Variants in FBXO42 observed in about 807,000 individuals in gnomAD.
FBXO42 encodes F-box only protein 42.
Under a neutral mutation model 71.7 loss-of-function variants are expected in FBXO42, and 12 were observed. The ratio of observed to expected loss-of-function variants is 0.17; its 90% CI spans 0.11 to 0.27. The LOEUF is 0.27. FBXO42 is among the 10% of genes least tolerant of loss of function. The pLI is 1.00. For synonymous variants in FBXO42, 325 were observed against 327.5 expected, an observed-to-expected ratio of 0.99 and a Z score of 0.08; for missense variants, 707 against 911.9, an observed-to-expected ratio of 0.78 and a Z score of 2.89.
At chr1:16,345,087 A>C (rs1394010578) in intron 1 of FBXO42, among the ~76,000 whole-genome samples, 1 of 151,964 alleles carries the variant, frequency 6.6e-6, no homozygotes, top group Non-Finnish European at 1.5e-5. Context: ...AGACAGAGTG[A>C]GACTCCGTCT....
In FBXO42 at chr1:16,249,811, G is replaced by A. The variant is rs910941908; in HGVS notation, c.*859C>T. On this transcript the variant is annotated 3_prime_UTR_variant, in exon 10 of 10. Coordinates refer to ENST00000375592, the MANE Select transcript of FBXO42 (RefSeq NM_018994.3). ...AAAAAAAAAGAAAAGAAAAAAGGTA[G>A]AAGAAAAAAGCAGCCTGTAAGTGAA... 6.6e-6 allele frequency: 1 copy of A among 151,906 alleles called. No homozygotes were observed. The highest frequency in any genetic ancestry group is 1.5e-5 in the Non-Finnish European group (1 of 67,990). The allele number at this position is 151,906 out of a possible 1,614,324, so 9.4% of individuals were successfully genotyped here. A position where few individuals can be genotyped will look rare whatever the true frequency, so the allele number is the denominator to read the frequency against.
In FBXO42 at chr1:16,266,461, C is replaced by T. The variant is rs138253611; in HGVS notation, c.503-9702G>A. Among the ~76,000 whole-genome samples the T allele has an allele frequency of 2.8e-4, 43 of 152,262 alleles. 2 individuals are homozygous for T. In the East Asian group the frequency reaches 7.5e-3, roughly 27 times the overall value. On this transcript the variant is annotated intron_variant, in intron 4 of 9. Coordinates refer to ENST00000375592, the MANE Select transcript of FBXO42 (RefSeq NM_018994.3). The stretch of plus-strand genomic sequence containing the variant: ...CCATCTTAACCACTCTGTGCAGACT[C>T]GCTTTCTCAGAGTGGGTCCAATATA...
At chr1:16,328,999 C>G (rs2082473337) in intron 1 of FBXO42, among the ~76,000 whole-genome samples, 3 of 151,606 alleles carry the variant, frequency 2.0e-5, no homozygotes, top group African/African-American at 7.3e-5. Context: ...CCCATCTCTA[C>G]TAAAAATACA....
chr1:16,350,767 A>AAGAC, intron 1 of FBXO42, among the ~76,000 whole-genome samples: 1 of 147,166 alleles, frequency 6.8e-6, no homozygotes, highest in Non-Finnish European at 1.5e-5. Flanking sequence ...AAAAGAAAGA[A>AAGAC]AGAAAGAAAG....
intron 4 of FBXO42, among the ~76,000 whole-genome samples, chr1:16,259,606 A>G (rs1162422325): frequency 1.3e-5 from 2 of 152,092 alleles, no homozygotes; most frequent in Non-Finnish European, 2.9e-5. Flanking sequence ...TCTATTAAAA[A>G]TATTAAAAAA....
intron 1 of FBXO42, among the ~76,000 whole-genome samples, chr1:16,341,972 CAA>C (rs56035222): frequency 9.3e-4 from 93 of 99,786 alleles, no homozygotes; most frequent in Non-Finnish European, 1.1e-3. Context: ...ATTCCGTCTC[CAA>C]AAAAAAAAAA....
At chr1:16,289,853 T>G (rs2082060611) in intron 4 of FBXO42, among the ~76,000 whole-genome samples, 1 of 152,084 alleles carries the variant, frequency 6.6e-6, no homozygotes, top group Non-Finnish European at 1.5e-5. Flanking sequence ...AGGTCGAGGC[T>G]ACAGGGAGCT....
chr1:16,307,201 T>C (rs2082260411), intron 2 of FBXO42, among the ~76,000 whole-genome samples: 1 of 152,128 alleles, frequency 6.6e-6, no homozygotes. Context: ...CAGGAAAAGT[T>C]TTCTAAAAGA....
At chr1:16,323,279 G>C (rs760498031) in intron 1 of FBXO42, among the ~76,000 whole-genome samples, 1 of 151,822 alleles carries the variant, frequency 6.6e-6, no homozygotes, top group Non-Finnish European at 1.5e-5. Flanking sequence ...TTAGCTGGGC[G>C]TGGTGGTGGG....
At chr1:16,270,997 C>T (rs1212130504) in intron 4 of FBXO42, among the ~76,000 whole-genome samples, 3 of 151,676 alleles carry the variant, frequency 2.0e-5, no homozygotes, top group African/African-American at 4.8e-5. Context: ...TCCTTTCAAA[C>T]TGTAGTTAGG....
chr1:16,348,002 AAAAAAAAG>A (rs1216641775), intron 1 of FBXO42, among the ~76,000 whole-genome samples: 3,205 of 151,208 alleles, frequency 0.021, 96 homozygotes, highest in African/African-American at 0.071. Context: ...CAAAAAAAAA[AAAAAAAAG>A]AAAAAAAGAA....
intron 2 of FBXO42, among the ~76,000 whole-genome samples, chr1:16,306,146 C>T (rs1469960049): frequency 2.0e-5 from 3 of 151,874 alleles, no homozygotes; most frequent in Admixed American, 6.6e-5. Context: ...TTCAGCCTCC[C>T]GAGTAGCTGG....
At chr1:16,294,738 G>A (rs375026127) in intron 4 of FBXO42, 45 bp downstream of exon 4, 1 of 1,599,886 alleles carries the variant, frequency 6.3e-7, no homozygotes, top group Non-Finnish European at 8.5e-7. Context: ...CCATGCCAAG[G>A]GAGTCACCTG....
chr1:16,313,988 C>T (rs2082339875), intron 2 of FBXO42, among the ~76,000 whole-genome samples: 1 of 152,206 alleles, frequency 6.6e-6, no homozygotes, highest in South Asian at 2.1e-4. Flanking sequence ...GAGTCTTGCT[C>T]TGTCGCCCAG....
chr1:16,257,529 C>T (rs1233397077), intron 4 of FBXO42, among the ~76,000 whole-genome samples: 1 of 152,184 alleles, frequency 6.6e-6, no homozygotes, highest in Non-Finnish European at 1.5e-5. Flanking sequence ...TTAGAGATAA[C>T]AAATGTCTTA....
chr1:16,283,767 T>A (rs2081991759), intron 4 of FBXO42, among the ~76,000 whole-genome samples: 1 of 152,138 alleles, frequency 6.6e-6, no homozygotes. Context: ...AGTGCTGGGA[T>A]TACAGGTGTG....
intron 4 of FBXO42, among the ~76,000 whole-genome samples, chr1:16,266,179 A>G (rs1217789538): frequency 6.6e-6 from 1 of 151,226 alleles, no homozygotes; most frequent in Non-Finnish European, 1.5e-5. Flanking sequence ...TTCAAAGTAT[A>G]GTTTTTTTTA....
At chr1:16,275,811 C>T (rs1338599372) in intron 4 of FBXO42, among the ~76,000 whole-genome samples, 1 of 151,554 alleles carries the variant, frequency 6.6e-6, no homozygotes, top group Non-Finnish European at 1.5e-5. Context: ...GAGTTGGAGA[C>T]CAGCCTGGCC....
rs1430702692 is a variant in FBXO42, at chr1:16,252,566, A to T, written c.922-162T>A. On this transcript the variant is annotated intron_variant, in intron 8 of 9. Transcript: ENST00000375592. The surrounding 1 kb of genome is among the most constrained non-coding windows in gnomAD (Gnocchi z 4.4). ...CAGTTAATTATTCAGTTGTGCATGC[A>T]TCCACTTACGCTTTCATTCATTCAT... Among the ~76,000 whole-genome samples, 4 of 152,244 alleles carry T rather than the reference A, an allele frequency of 2.6e-5. No homozygotes were observed. Among genetic ancestry groups the T allele is most frequent in the Non-Finnish European group, 5.9e-5 (4 of 68,036 alleles).
Sources: gnomAD v4.1 joint callset for allele counts (sites outside exome capture counted in the v4.1 genomes callset) on GRCh38, gnomAD v4.1.1 for gene constraint, Gnocchi (gnomAD v3.1) non-coding constraint, MANE v1.5 for transcripts, NCBI Gene and HGNC (gene_info 2026-07-23, HGNC 2026-07-21) for gene names.